Variants in FRYL observed in about 807,000 individuals in gnomAD.
FRYL encodes FRY like transcription coactivator, also known as protein furry homolog-like.
FRYL carries 150 observed loss-of-function variants against 351.2 expected under a neutral mutation model. The ratio of observed to expected loss-of-function variants is 0.43; its 90% confidence interval spans 0.37 to 0.49. The LOEUF is 0.49. Ranked by LOEUF, FRYL falls within the 20% of genes least tolerant of loss-of-function variation. FRYL has a pLI of 0.00. For synonymous variants in FRYL, 1,153 were observed against 1,257.1 expected (o/e 0.92, Z 1.75); for missense variants, 3,036 against 3,619.3 (o/e 0.84, Z 4.13).
intron 3 of FRYL, among the ~76,000 whole-genome samples, chr4:48,677,228 C>T (rs1763853517): frequency 6.6e-6 from 1 of 152,088 alleles, no homozygotes; most frequent in South Asian, 2.1e-4. Flanking sequence ...TCAAATTACA[C>T]ATATTTTTGT....
chr4:48,658,583 A>AC (rs1553965626), intron 3 of FRYL, among the ~76,000 whole-genome samples: 1 of 87,530 alleles, frequency 1.1e-5, no homozygotes, highest in Non-Finnish European at 2.2e-5. Flanking sequence ...ACAAAAAAAT[A>AC]CAAAAAAAAA....
intron 3 of FRYL, among the ~76,000 whole-genome samples, chr4:48,641,695 G>C (rs552813479): frequency 6.6e-6 from 1 of 152,262 alleles, no homozygotes; most frequent in South Asian, 2.1e-4. Flanking sequence ...CATCCTGGTT[G>C]CTAAGAACTT....
At chr4:48,525,090 G>A (rs1369963563) in intron 53 of FRYL, among the ~76,000 whole-genome samples, 1 of 147,798 alleles carries the variant, frequency 6.8e-6, no homozygotes, top group African/African-American at 2.5e-5. Context: ...GAATGAAAAG[G>A]AAGAGAATAG....
chr4:48,573,779 G>A (rs542125464), intron 25 of FRYL, among the ~76,000 whole-genome samples: 26 of 152,186 alleles, frequency 1.7e-4, no homozygotes, highest in African/African-American at 5.5e-4. Context: ...TCAAACTCCC[G>A]ACCTCAGGCG....
At chr4:48,573,372 A>G (rs1738807388) in intron 25 of FRYL, 129 bp from the exon 26 acceptor site, 6 of 610,400 alleles carry the variant, frequency 9.8e-6, no homozygotes, top group Non-Finnish European at 1.7e-5. Context: ...CACAATGTCT[A>G]TTTTTTTATT....
chr4:48,565,571 C>T lies in FRYL; in HGVS notation c.3290G>A (p.Arg1097Lys). The T allele has an allele frequency of 6.2e-7, 1 of 1,611,872 alleles. No individual in the cohort carries two copies. The highest frequency in any genetic ancestry group is 8.5e-7 in the Non-Finnish European group (1 of 1,179,490). The change falls in exon 29 of 64, where the codon AGA becomes AAA. Residue 1097 changes from arginine (R) to lysine (K), a missense_variant. By Grantham distance (26) the Arg-to-Lys change is conservative. Transcript: ENST00000358350. ...MFTPLDRYSD[R>K]NMQINRHQYC... The stretch of plus-strand genomic sequence containing the variant: ...TTGATGTCTATTAATTTGCATATTT[C>T]TATCACTGTATCTGTCCAAGGGCGT...
In FRYL at chr4:48,582,377, T is replaced by C. The variant is rs192761370; in HGVS notation, c.1986+120A>G. On this transcript the variant is annotated intron_variant, in intron 20 of 63. Coordinates refer to ENST00000358350, the MANE Select transcript of FRYL (RefSeq NM_015030.2). ...TTCAGTTTAAGGGATTAGGAACACA[T>C]TGAGAGTGAATAGAACTAATAATAC... 605 of 675,650 alleles carry C rather than the reference T, an allele frequency of 9.0e-4. 2 individuals are homozygous for C. Among genetic ancestry groups the C allele is most frequent in the Non-Finnish European group, 8.9e-4 (348 of 389,088 alleles). 41.9% of individuals were successfully genotyped at this position (675,650 alleles called of 1,614,324 possible).
chr4:48,690,010 C>A (rs780961614), intron 2 of FRYL, among the ~76,000 whole-genome samples: 26 of 150,880 alleles, frequency 1.7e-4, no homozygotes, highest in Non-Finnish European at 3.8e-4. Context: ...CATTCTCCTG[C>A]CTCAGCCTCC....
At chr4:48,696,746 G>C (rs2149568452) in intron 2 of FRYL, among the ~76,000 whole-genome samples, 1 of 150,772 alleles carries the variant, frequency 6.6e-6, no homozygotes. Flanking sequence ...AGTTTCAATG[G>C]TATTATTTTT....
At chr4:48,667,328 T>G (rs1378888987) in intron 3 of FRYL, among the ~76,000 whole-genome samples, 1 of 152,078 alleles carries the variant, frequency 6.6e-6, no homozygotes, top group Non-Finnish European at 1.5e-5. Flanking sequence ...ATCAGGATAC[T>G]GGGCACATAC....
intron 3 of FRYL, among the ~76,000 whole-genome samples, chr4:48,679,324 C>A (rs1197729435): frequency 1.3e-5 from 2 of 151,868 alleles, no homozygotes; most frequent in Admixed American, 1.3e-4. Context: ...TATTCTTTTA[C>A]GTAACTGGTA....
At chr4:48,527,911 A>C in intron 52 of FRYL, 60 bp downstream of exon 52, 1 of 1,317,788 alleles carries the variant, frequency 7.6e-7, no homozygotes, top group South Asian at 1.4e-5. Flanking sequence ...GAGACAGATC[A>C]TTTCTTCAAG....
intron 16 of FRYL, among the ~76,000 whole-genome samples, chr4:48,592,217 A>G (rs1247494592): frequency 2.0e-5 from 3 of 151,572 alleles, no homozygotes; most frequent in Non-Finnish European, 4.4e-5. Context: ...CACATGTCAC[A>G]TAGTCAAAGA....
At chr4:48,701,856 AC>A (rs1428663156) in intron 2 of FRYL, among the ~76,000 whole-genome samples, 3 of 152,146 alleles carry the variant, frequency 2.0e-5, no homozygotes, top group African/African-American at 7.2e-5. Flanking sequence ...ATATGCCATT[AC>A]CCCCAGTAAG....
Position 48,557,130 on chromosome 4 carries a change from A to G in FRYL, c.4126-12T>C. On this transcript the variant is annotated splice_polypyrimidine_tract_variant and intron_variant, in intron 34 of 63. Coordinates refer to ENST00000358350, the MANE Select transcript of FRYL (RefSeq NM_015030.2). ...AGTTCATCGCCATACTAGATGCAAT[A>G]TGCACAAAAGATACTTCAGTCATGA... 6.4e-7 allele frequency: 1 copy of G among 1,572,314 alleles called. No homozygotes were observed.
chr4:48,504,119 G>C (rs1368309389), intron 60 of FRYL, among the ~76,000 whole-genome samples: 6 of 150,494 alleles, frequency 4.0e-5, no homozygotes, highest in Non-Finnish European at 7.4e-5. Context: ...TTGTGGATGA[G>C]TGTGTGTGTG....
intron 2 of FRYL, among the ~76,000 whole-genome samples, chr4:48,707,724 T>C (rs1403421686): frequency 2.0e-5 from 3 of 152,154 alleles, no homozygotes; most frequent in South Asian, 4.1e-4. Flanking sequence ...TAAGAGAACT[T>C]TGAGGCTCCA....
At chr4:48,649,469 A>C (rs1171438778) in intron 3 of FRYL, among the ~76,000 whole-genome samples, 2 of 152,222 alleles carry the variant, frequency 1.3e-5, no homozygotes. Context: ...AATTCTATAA[A>C]TTAATATGCT....
At chr4:48,664,865 G>A (rs973024064) in intron 3 of FRYL, among the ~76,000 whole-genome samples, 1 of 152,146 alleles carries the variant, frequency 6.6e-6, no homozygotes, top group Non-Finnish European at 1.5e-5. Context: ...AAGAGAATCT[G>A]TTGCTGAAAC....
Sources: allele counts gnomAD v4.1 joint callset (sites outside exome capture counted in the v4.1 genomes callset), GRCh38; gene constraint gnomAD v4.1.1; transcripts MANE v1.5; gene names NCBI Gene and HGNC (gene_info 2026-07-23, HGNC 2026-07-21).